NRG1: variants seen among roughly 807,000 people sequenced by gnomAD.
NRG1 encodes pro-neuregulin-1, membrane-bound isoform.
In NRG1, 18 loss-of-function variants were observed where a neutral mutation model predicts 63.8. That is an observed-to-expected ratio of 0.28 (90% CI 0.19 to 0.42). The LOEUF (loss-of-function observed/expected upper bound fraction) is 0.42. Ranked by LOEUF, NRG1 falls within the 10% of genes least tolerant of loss-of-function variation. NRG1 has a pLI of 1.00. For synonymous variants in NRG1, 302 were observed against 301.3 expected, an observed-to-expected ratio of 1.00 and a Z score of -0.02; for missense variants, 762 against 814.7, an observed-to-expected ratio of 0.94 and a Z score of 0.79.
intron 1 of NRG1, among the ~76,000 whole-genome samples, chr8:32,580,265 CAT>C (rs1379825301): frequency 6.6e-6 from 1 of 152,132 alleles, no homozygotes; most frequent in African/African-American, 2.4e-5. Flanking sequence ...TGTAAGGTAA[CAT>C]ATTCACAGGT....
At chr8:31,822,426 A>T (rs1451330361) in intron 1 of NRG1, among the ~76,000 whole-genome samples, 2 of 152,176 alleles carry the variant, frequency 1.3e-5, no homozygotes, top group African/African-American at 2.4e-5. Flanking sequence ...TCTCTTAAAA[A>T]AAAGTGACAA....
intron 1 of NRG1, among the ~76,000 whole-genome samples, chr8:32,471,734 G>T (rs540279349): frequency 6.6e-6 from 1 of 152,196 alleles, no homozygotes; most frequent in East Asian, 1.9e-4. Context: ...AAATGTACTT[G>T]TTCAGAGTCT....
chr8:31,694,812 G>T (rs368941959), intron 1 of NRG1, among the ~76,000 whole-genome samples: 29 of 152,134 alleles, frequency 1.9e-4, no homozygotes, highest in African/African-American at 7.0e-4. Context: ...TTTTGTTGAA[G>T]AAATGTTTTA....
chr8:31,911,894 A>G (rs1295557534), intron 1 of NRG1, among the ~76,000 whole-genome samples: 1 of 152,130 alleles, frequency 6.6e-6, no homozygotes, highest in East Asian at 1.9e-4. Flanking sequence ...GTGACATCCA[A>G]TTTTTCTAGT....
chr8:32,310,200 A>G (rs1285892246), intron 1 of NRG1, among the ~76,000 whole-genome samples: 3 of 152,228 alleles, frequency 2.0e-5, no homozygotes. Context: ...TAATTTTTAG[A>G]TAATATATGA....
At chr8:31,867,757 T>C (rs1290796992) in intron 1 of NRG1, among the ~76,000 whole-genome samples, 3 of 152,316 alleles carry the variant, frequency 2.0e-5, no homozygotes, top group Non-Finnish European at 4.4e-5. Context: ...TTTTAATTCC[T>C]GGCTTAAGAA....
At chr8:32,540,430 T>C (rs1199080416) in intron 1 of NRG1, among the ~76,000 whole-genome samples, 1 of 152,120 alleles carries the variant, frequency 6.6e-6, no homozygotes, top group South Asian at 2.1e-4. Flanking sequence ...AGACTATCTT[T>C]TGGAAAAAAC....
intron 1 of NRG1, among the ~76,000 whole-genome samples, chr8:32,412,349 G>A (rs1157848190): frequency 6.8e-6 from 1 of 147,624 alleles, no homozygotes; most frequent in Non-Finnish European, 1.5e-5. Flanking sequence ...TGACTTTCCA[G>A]TCATTCCATT....
At chr8:32,722,118 A>T (rs1820810392) in intron 5 of NRG1, 1 of 1,210,922 alleles carries the variant, frequency 8.3e-7, no homozygotes. Context: ...TGCATATTTT[A>T]TTAAGCAAAT....
At chr8:32,223,731 T>C (rs1052417387) in intron 1 of NRG1, among the ~76,000 whole-genome samples, 10 of 152,144 alleles carry the variant, frequency 6.6e-5, no homozygotes, top group African/African-American at 2.4e-4. Context: ...TTGTAGATGC[T>C]GTAGGCCCCA....
chr8:32,268,046 T>G (rs574499190), intron 1 of NRG1, among the ~76,000 whole-genome samples: 2 of 152,282 alleles, frequency 1.3e-5, no homozygotes, highest in East Asian at 3.9e-4. Context: ...TTGGAGTGCA[T>G]GTCTTGCTAG....
chr8:31,769,327 T>C (rs1818390155), intron 1 of NRG1, among the ~76,000 whole-genome samples: 2 of 152,212 alleles, frequency 1.3e-5, no homozygotes, highest in Non-Finnish European at 2.9e-5. Context: ...TAAAGCTCAT[T>C]CATCGTTTTG....
Position 32,640,648 on chromosome 8 carries a change from AC to A in NRG1, c.502+23764del, listed in dbSNP as rs1374738732. Among the ~76,000 whole-genome samples, 3 of 151,842 alleles carry A rather than the reference AC, an allele frequency of 2.0e-5. No individual in the cohort carries two copies. In the East Asian group the frequency reaches 5.8e-4, roughly 29 times the overall value. On this transcript the variant is annotated intron_variant, in intron 5 of 11. Coordinates refer to ENST00000356819, the Ensembl canonical transcript of NRG1. ...CACACACACACACACACACACACAC[AC>A]ACACACACACACAGAAACTAGTAAA...
At chr8:32,101,698 G>A (rs184413761) in intron 1 of NRG1, among the ~76,000 whole-genome samples, 4 of 152,086 alleles carry the variant, frequency 2.6e-5, no homozygotes, top group South Asian at 2.1e-4. Context: ...GAAATAGCAC[G>A]CTAGTTGCGT....
intron 1 of NRG1, among the ~76,000 whole-genome samples, chr8:32,294,155 C>T (rs901782901): frequency 1.3e-5 from 2 of 151,946 alleles, no homozygotes; most frequent in African/African-American, 4.8e-5. Flanking sequence ...TCTCATAAAT[C>T]CCCAAGCCCA....
intron 1 of NRG1, among the ~76,000 whole-genome samples, chr8:32,186,467 A>AG (rs1197807390): frequency 3.3e-5 from 5 of 151,730 alleles, no homozygotes; most frequent in African/African-American, 1.2e-4. Context: ...TCTCAAAAAA[A>AG]AAAAAAAAAG....
intron 1 of NRG1, among the ~76,000 whole-genome samples, chr8:32,319,319 G>T (rs987479083): frequency 3.3e-5 from 5 of 152,164 alleles, no homozygotes; most frequent in African/African-American, 1.2e-4. Flanking sequence ...TTTCCTGCAT[G>T]ACTTTAAGTA....
chr8:32,694,129 A>G (rs536840903), intron 5 of NRG1, among the ~76,000 whole-genome samples: 1 of 152,282 alleles, frequency 6.6e-6, no homozygotes, highest in South Asian at 2.1e-4. Context: ...CTGAGGGTAG[A>G]TGGTCTTCTA....
At position 32,358,242 on chromosome 8, in the gene NRG1, G is replaced by C. The variant is rs73676719; in HGVS notation, c.38-237586G>C. Among the ~76,000 whole-genome samples the C allele has an allele frequency of 4.2e-3, 646 of 152,094 alleles. 7 individuals are homozygous for C. Among genetic ancestry groups the C allele is most frequent in the African/African-American group, 0.015 (621 of 41,470 alleles). The stretch of plus-strand genomic sequence containing the variant: ...GTAACTTTCTAGAAGCACCAACTCA[G>C]CCCCAGAATGCCTCCTGCTGACTTC... On this transcript the variant is annotated intron_variant, in intron 1 of 10. Transcript: ENST00000519301.
Sources: gnomAD v4.1 joint callset for allele counts (sites outside exome capture counted in the v4.1 genomes callset) on GRCh38, gnomAD v4.1.1 for gene constraint, MANE v1.5 for transcripts, NCBI Gene and HGNC (gene_info 2026-07-23, HGNC 2026-07-21) for gene names.